Variants in PAK5 observed in about 807,000 individuals in gnomAD.
The protein encoded by PAK5 is serine/threonine-protein kinase PAK 5.
PAK5 carries 16 observed loss-of-function variants against 65.9 expected under a neutral mutation model. That is an observed-to-expected ratio of 0.24 (90% CI 0.16 to 0.37). The LOEUF is 0.37. Among genes scored for constraint, PAK5 ranks in the 10% least tolerant of loss-of-function variants. The probability of loss-of-function intolerance (pLI) is 1.00; values close to 1 mark genes in which losing one functional copy is unlikely to be tolerated. For missense variants in PAK5, 785 were observed against 903.9 expected, an observed-to-expected ratio of 0.87 and a Z score of 1.69; for synonymous variants, 371 against 354.9, an observed-to-expected ratio of 1.05 and a Z score of -0.51.
At chr20:9,644,676 G>A (rs1031177659) in intron 2 of PAK5, among the ~76,000 whole-genome samples, 13 of 152,200 alleles carry the variant, frequency 8.5e-5, no homozygotes, top group Admixed American at 3.3e-4. Flanking sequence ...CTTTTTCCTT[G>A]TGCTCCTGTC....
chr20:9,584,760 TTGTATCACAG>T (rs1473873926), intron 3 of PAK5, among the ~76,000 whole-genome samples: 3 of 152,276 alleles, frequency 2.0e-5, no homozygotes, highest in Non-Finnish European at 4.4e-5. Flanking sequence ...AACAGTTTGT[TTGTATCACAG>T]TGTATCAACT....
At chr20:9,742,038 C>G (rs1356559752) in intron 1 of PAK5, among the ~76,000 whole-genome samples, 1 of 152,066 alleles carries the variant, frequency 6.6e-6, no homozygotes, top group African/African-American at 2.4e-5. Flanking sequence ...CCAAGGTGAA[C>G]AGATTTTCTT....
intron 3 of PAK5, among the ~76,000 whole-genome samples, chr20:9,627,809 T>C (rs6056762): frequency 0.89 from 135,917 of 151,952 alleles, 60,985 homozygotes; most frequent in East Asian, 0.99. Flanking sequence ...GTAAATTTAG[T>C]AGAGACAGGG....
At chr20:9,807,448 T>C (rs1361948431) in intron 1 of PAK5, among the ~76,000 whole-genome samples, 3 of 151,964 alleles carry the variant, frequency 2.0e-5, no homozygotes, top group Non-Finnish European at 2.9e-5. Context: ...TGAGAAAAAC[T>C]TGAAAGTACC....
In PAK5 at chr20:9,604,142, G is replaced by A. The variant is rs572466823; in HGVS notation, c.205-23212C>T. Among the ~76,000 whole-genome samples the A allele has an allele frequency of 1.2e-4, 19 of 152,266 alleles. No individual in the cohort carries two copies. In the South Asian group the frequency reaches 2.1e-3, roughly 17 times the overall value. On this transcript the variant is annotated intron_variant, in intron 3 of 9. Transcript: ENST00000353224. The stretch of plus-strand genomic sequence containing the variant: ...ATGTGTGTTCCAAGCTAGGGCATCC[G>A]GGAGTGGCCAACCTGATTAGTTCCT...
chr20:9,613,203 T>C (rs2046596045), intron 3 of PAK5, among the ~76,000 whole-genome samples: 1 of 152,230 alleles, frequency 6.6e-6, no homozygotes, highest in Non-Finnish European at 1.5e-5. Flanking sequence ...TGCCATGCCA[T>C]CCTAACAATA....
At chr20:9,765,462 G>A (rs2048746489) in intron 1 of PAK5, among the ~76,000 whole-genome samples, 1 of 151,550 alleles carries the variant, frequency 6.6e-6, no homozygotes, top group African/African-American at 2.4e-5. Flanking sequence ...TTCTGGCAGA[G>A]CCAAATTCCA....
intron 1 of PAK5, among the ~76,000 whole-genome samples, chr20:9,782,256 T>G (rs573113587): frequency 6.6e-6 from 1 of 152,156 alleles, no homozygotes. Context: ...TTGAATCTCA[T>G]GTCCTTAATA....
chr20:9,620,708 CAG>C (rs1346928862), intron 3 of PAK5, among the ~76,000 whole-genome samples: 1 of 152,060 alleles, frequency 6.6e-6, no homozygotes, highest in Admixed American at 6.5e-5. Context: ...AAAAGCTATA[CAG>C]AGTCTCTGCC....
intron 2 of PAK5, among the ~76,000 whole-genome samples, chr20:9,667,006 A>G (rs2047428887): frequency 6.6e-6 from 1 of 152,144 alleles, no homozygotes; most frequent in Non-Finnish European, 1.5e-5. Flanking sequence ...GATCGGGCAT[A>G]GTGGCTCATG....
At chr20:9,668,850 A>G (rs2047454724) in intron 2 of PAK5, among the ~76,000 whole-genome samples, 1 of 152,180 alleles carries the variant, frequency 6.6e-6, no homozygotes, top group Admixed American at 6.5e-5. Flanking sequence ...AATAAAAGGG[A>G]ATATCCACAT....
At chr20:9,666,012 G>T (rs2047412214) in intron 2 of PAK5, among the ~76,000 whole-genome samples, 1 of 152,108 alleles carries the variant, frequency 6.6e-6, no homozygotes, top group Non-Finnish European at 1.5e-5. Context: ...TGTATAGGAT[G>T]TTGTAAGACT....
At chr20:9,583,607 ATCT>A (rs2046017853) in intron 3 of PAK5, among the ~76,000 whole-genome samples, 1 of 152,096 alleles carries the variant, frequency 6.6e-6, no homozygotes, top group African/African-American at 2.4e-5. Context: ...GGATCCTCTG[ATCT>A]TCTGGTTTAT....
intron 3 of PAK5, among the ~76,000 whole-genome samples, chr20:9,613,466 G>C (rs1343126944): frequency 6.6e-6 from 1 of 152,168 alleles, no homozygotes; most frequent in Non-Finnish European, 1.5e-5. Context: ...ATCTCCAGGA[G>C]GGCCCAATCT....
chr20:9,708,941 C>T (rs1053814212), intron 2 of PAK5, among the ~76,000 whole-genome samples: 1 of 148,628 alleles, frequency 6.7e-6, no homozygotes, highest in Non-Finnish European at 1.5e-5. Context: ...TTCCTCTGCT[C>T]ACATCCACAC....
At chr20:9,582,896 G>T (rs958499299) in intron 3 of PAK5, among the ~76,000 whole-genome samples, 1 of 152,068 alleles carries the variant, frequency 6.6e-6, no homozygotes, top group Non-Finnish European at 1.5e-5. Flanking sequence ...TTGTCACTGG[G>T]AGTTCTCTCA....
intron 1 of PAK5, among the ~76,000 whole-genome samples, chr20:9,724,975 C>T: frequency 6.6e-6 from 1 of 152,112 alleles, no homozygotes; most frequent in Non-Finnish European, 1.5e-5. Flanking sequence ...GATTATTACA[C>T]ATTGCATGCC....
chr20:9,619,045 C>G (rs181376033), intron 3 of PAK5, among the ~76,000 whole-genome samples: 1 of 148,458 alleles, frequency 6.7e-6, no homozygotes, highest in East Asian at 2.1e-4. Flanking sequence ...ACCTCAGCCT[C>G]CTGAGTAGCT....
chr20:9,544,614 C>A, intron 7 of PAK5, 120 bp from the exon 8 acceptor site: 1 of 889,166 alleles, frequency 1.1e-6, no homozygotes, highest in Middle Eastern at 3.0e-4. Context: ...AGGCCTTGGA[C>A]ATATCAGAGG....
Sources: allele counts gnomAD v4.1 joint callset (sites outside exome capture counted in the v4.1 genomes callset), GRCh38; gene constraint gnomAD v4.1.1; transcripts MANE v1.5; gene names NCBI Gene and HGNC (gene_info 2026-07-23, HGNC 2026-07-21).